The following ALX4 variants were observed in gnomAD, a reference collection of about 807,000 sequenced individuals.
ALX4 encodes the protein homeobox protein aristaless-like 4.
Under a neutral mutation model 40.6 loss-of-function variants are expected in ALX4, and 22 were observed. The observed-to-expected ratio is 0.54, with a 90% CI of 0.39 to 0.77. The LOEUF (loss-of-function observed/expected upper bound fraction) is 0.77. Among genes scored for constraint, ALX4 ranks in the 30% least tolerant of loss-of-function variants. ALX4 has a pLI of 0.00. For synonymous variants in ALX4, 266 were observed against 240.5 expected (o/e 1.11, Z -0.98); for missense variants, 556 against 564.8 (o/e 0.98, Z 0.16).
chr11:44,268,302 A>G (rs999697406), intron 2 of ALX4, among the ~76,000 whole-genome samples: 6 of 152,248 alleles, frequency 3.9e-5, no homozygotes, highest in African/African-American at 1.4e-4. Flanking sequence ...GGCATACTCC[A>G]AAAACCTAAA....
chr11:44,272,735 G>A (rs1280814626), intron 2 of ALX4, among the ~76,000 whole-genome samples: 1 of 152,056 alleles, frequency 6.6e-6, no homozygotes, highest in Non-Finnish European at 1.5e-5. Flanking sequence ...CTTGAACCCA[G>A]GAGGTGGAGG....
chr11:44,286,721 C>T (rs1956340697), intron 1 of ALX4, among the ~76,000 whole-genome samples: 1 of 152,186 alleles, frequency 6.6e-6, no homozygotes, highest in African/African-American at 2.4e-5. Flanking sequence ...GGTCTTTCCT[C>T]CCCTAGTTCT....
intron 1 of ALX4, among the ~76,000 whole-genome samples, chr11:44,306,694 C>T (rs1044234391): frequency 2.6e-5 from 4 of 152,204 alleles, no homozygotes; most frequent in Admixed American, 1.3e-4. Flanking sequence ...TCCATTTCTC[C>T]GCTTTTGAGT....
intron 1 of ALX4, among the ~76,000 whole-genome samples, chr11:44,303,060 C>T (rs890261257): frequency 6.6e-6 from 1 of 152,096 alleles, no homozygotes; most frequent in Admixed American, 6.5e-5. Context: ...CTGTGGGCCC[C>T]GGTCCCCACG....
At chr11:44,288,221 C>T (rs1437077798) in intron 1 of ALX4, among the ~76,000 whole-genome samples, 2 of 151,870 alleles carry the variant, frequency 1.3e-5, no homozygotes, top group Non-Finnish European at 2.9e-5. Context: ...AGCTGTATAT[C>T]GTATGCATGT....
At chr11:44,270,426 C>T (rs1956239171) in intron 2 of ALX4, among the ~76,000 whole-genome samples, 1 of 152,052 alleles carries the variant, frequency 6.6e-6, no homozygotes, top group Admixed American at 6.6e-5. Context: ...GGGGCCTTAC[C>T]CTGCGCACCC....
intron 1 of ALX4, among the ~76,000 whole-genome samples, chr11:44,307,829 T>C (rs1229906471): frequency 6.6e-6 from 1 of 151,878 alleles, no homozygotes; most frequent in Non-Finnish European, 1.5e-5. Flanking sequence ...TGTGTGTCTG[T>C]GTGTGGAGCT....
At chr11:44,286,706 G>C (rs937899517) in intron 1 of ALX4, among the ~76,000 whole-genome samples, 3 of 152,148 alleles carry the variant, frequency 2.0e-5, no homozygotes, top group Non-Finnish European at 4.4e-5. Flanking sequence ...GGCCTTCCTT[G>C]CAGGGGTCTT....
At chr11:44,266,035 TCTG>T (rs1186424172) in intron 3 of ALX4, among the ~76,000 whole-genome samples, 17 of 152,280 alleles carry the variant, frequency 1.1e-4, no homozygotes, top group African/African-American at 4.1e-4. Flanking sequence ...CATGTGGGCT[TCTG>T]CTGGCCTGCC....
intron 1 of ALX4, among the ~76,000 whole-genome samples, chr11:44,290,084 C>T (rs1001451915): frequency 6.6e-6 from 1 of 152,188 alleles, no homozygotes; most frequent in Non-Finnish European, 1.5e-5. Context: ...GCATCCAGCC[C>T]TGTGGTCTGT....
At chr11:44,294,287 G>A (rs1263399770) in intron 1 of ALX4, among the ~76,000 whole-genome samples, 1 of 152,188 alleles carries the variant, frequency 6.6e-6, no homozygotes. Context: ...TGCAGATGGG[G>A]CCCAGGAAGC....
chr11:44,272,475 G>A (rs11037924), intron 2 of ALX4, among the ~76,000 whole-genome samples: 35,778 of 145,318 alleles, frequency 0.25, 4,295 homozygotes, highest in Middle Eastern at 0.32. Context: ...CTGCACTCCA[G>A]CCTGGGCGAC....
At chr11:44,297,591 C>G (rs1956410330) in intron 1 of ALX4, among the ~76,000 whole-genome samples, 1 of 152,050 alleles carries the variant, frequency 6.6e-6, no homozygotes, top group South Asian at 2.1e-4. Context: ...GGTGACGAGC[C>G]TGTAGTCCCA....
chr11:44,302,363 CA>C (rs1267419875), intron 1 of ALX4, among the ~76,000 whole-genome samples: 1 of 152,206 alleles, frequency 6.6e-6, no homozygotes, highest in Non-Finnish European at 1.5e-5. Flanking sequence ...TCATGCTGTG[CA>C]CACGCTCACA....
intron 3 of ALX4, among the ~76,000 whole-genome samples, chr11:44,266,169 G>A (rs889258893): frequency 1.3e-5 from 2 of 152,098 alleles, no homozygotes; most frequent in African/African-American, 4.8e-5. Context: ...GGGACCGGTT[G>A]GCCTCCATCA....
intron 1 of ALX4, among the ~76,000 whole-genome samples, chr11:44,295,024 T>A (rs1170210930): frequency 6.6e-6 from 1 of 152,090 alleles, no homozygotes; most frequent in Admixed American, 6.5e-5. Flanking sequence ...TAATTTTTTG[T>A]ATTTTTAGTA....
At chr11:44,303,977 G>A (rs896287930) in intron 1 of ALX4, among the ~76,000 whole-genome samples, 6 of 152,188 alleles carry the variant, frequency 3.9e-5, no homozygotes, top group African/African-American at 1.4e-4. Flanking sequence ...TGGAGGCCGC[G>A]GTAACTGATA....
rs1035301125 is a variant in ALX4, at chr11:44,261,915, G to T, written c.*2939C>A. ...TGGCCTTGGGCAGCTGCCCTGACTT[G>T]CTCAGTCATCCTAGGAGCTGACACG... is the stretch of plus-strand genomic sequence containing the variant. On this transcript the variant is annotated 3_prime_UTR_variant, in exon 4 of 4. Transcript: ENST00000652299. The T allele has an allele frequency of 2.0e-5, 3 of 152,286 alleles. No homozygotes were observed. Among genetic ancestry groups the T allele is most frequent in the Non-Finnish European group, 2.9e-5 (2 of 68,060 alleles). The allele number at this position is 152,286 out of a possible 1,614,324, so 9.4% of individuals were successfully genotyped here.
In ALX4 at chr11:44,302,172, G is replaced by A. The variant is rs969447414; in HGVS notation, c.466+7425C>T. 5.9e-5 allele frequency among the ~76,000 whole-genome samples: 9 copies of A among 152,158 alleles called. No homozygotes were observed. The South Asian group carries it at 6.2e-4, about 11-fold the overall frequency. On this transcript the variant is annotated intron_variant, in intron 1 of 3. Transcript: ENST00000652299. The stretch of plus-strand genomic sequence containing the variant: ...ACAGACCCAGAGAAGCTCCAGAGCC[G>A]TGCACACGGGTACTCACCCTTGCAC...
Sources: gnomAD v4.1 joint callset for allele counts (sites outside exome capture counted in the v4.1 genomes callset) on GRCh38, gnomAD v4.1.1 for gene constraint, MANE v1.5 for transcripts, NCBI Gene and HGNC (gene_info 2026-07-23, HGNC 2026-07-21) for gene names.